E2F5: variants seen among roughly 807,000 people sequenced by gnomAD.
E2F5 encodes the protein E2F transcription factor 5.
E2F5 carries 23 observed loss-of-function variants against 39.1 expected under a neutral mutation model. The ratio of observed to expected loss-of-function variants is 0.59; its 90% CI spans 0.42 to 0.83. The LOEUF (loss-of-function observed/expected upper bound fraction) is 0.83, where lower values mean the gene tolerates loss of function less well. Among genes scored for constraint, E2F5 ranks in the 40% least tolerant of loss-of-function variants. The pLI is 0.00. For missense variants in E2F5, 365 were observed against 406.7 expected (o/e 0.90, Z 0.88); for synonymous variants, 145 against 157.8 (o/e 0.92, Z 0.61).
chr8:85,183,278 G>C (rs1812260857), intron 1 of E2F5, among the ~76,000 whole-genome samples: 1 of 152,104 alleles, frequency 6.6e-6, no homozygotes, highest in Non-Finnish European at 1.5e-5. Context: ...GACAACAAAA[G>C]ACCCTAGTTT....
At chr8:85,202,997 A>T (rs1252727007) in intron 2 of E2F5, 97 bp from the exon 3 acceptor site, 7 of 934,004 alleles carry the variant, frequency 7.5e-6, no homozygotes, top group African/African-American at 1.7e-5. Flanking sequence ...TTCTGTCTTG[A>T]ATATATTACT....
At chr8:85,192,508 C>T (rs1812486426) in intron 1 of E2F5, among the ~76,000 whole-genome samples, 1 of 152,072 alleles carries the variant, frequency 6.6e-6, no homozygotes, top group East Asian at 1.9e-4. Flanking sequence ...GAAAATAAGA[C>T]AAGAGAAAAG....
chr8:85,209,452 T>C, intron 6 of E2F5, 43 bp downstream of exon 6: 2 of 1,536,228 alleles, frequency 1.3e-6, no homozygotes, highest in Non-Finnish European at 1.8e-6. Flanking sequence ...GAGGGAGAAA[T>C]ATAAAAACAG....
chr8:85,202,993 C>A, intron 2 of E2F5, 101 bp from the exon 3 acceptor site: 3 of 905,050 alleles, frequency 3.3e-6, no homozygotes, highest in Non-Finnish European at 4.5e-6. Flanking sequence ...AGACTTCTGT[C>A]TTGAATATAT....
chr8:85,193,953 T>C (rs1006053805), intron 1 of E2F5, among the ~76,000 whole-genome samples: 5 of 152,200 alleles, frequency 3.3e-5, no homozygotes, highest in African/African-American at 1.2e-4. Flanking sequence ...TATAGACACA[T>C]TTTTATTGTT....
At chr8:85,179,826 ATT>A (rs567498501) in intron 1 of E2F5, among the ~76,000 whole-genome samples, 1 of 151,572 alleles carries the variant, frequency 6.6e-6, no homozygotes, top group African/African-American at 2.4e-5. Flanking sequence ...CACCCAGCTA[ATT>A]TTTTTGTAAT....
intron 7 of E2F5, 57 bp downstream of exon 7, chr8:85,212,261 T>A: frequency 8.1e-7 from 1 of 1,239,270 alleles, no homozygotes; most frequent in Non-Finnish European, 1.2e-6. Context: ...GTGGAATTTA[T>A]AAGTGAAACA....
chr8:85,201,854 A>T, intron 1 of E2F5: 1 of 362,024 alleles, frequency 2.8e-6, no homozygotes, highest in East Asian at 7.4e-5. Context: ...CCTCAGGATT[A>T]GTCCATAAGG....
At chr8:85,196,820 T>A (rs186352959) in intron 1 of E2F5, among the ~76,000 whole-genome samples, 45 of 152,232 alleles carry the variant, frequency 3.0e-4, no homozygotes, top group Admixed American at 2.2e-3. Flanking sequence ...AAGGTTCCTC[T>A]TAATTGTGGA....
chr8:85,187,055 C>G (rs993076104), intron 1 of E2F5, among the ~76,000 whole-genome samples: 1 of 150,946 alleles, frequency 6.6e-6, no homozygotes, highest in Non-Finnish European at 1.5e-5. Context: ...TTCAGTTTCC[C>G]TTTGTATTTT....
chr8:85,198,924 C>G (rs1812636401), intron 1 of E2F5, among the ~76,000 whole-genome samples: 1 of 152,204 alleles, frequency 6.6e-6, no homozygotes, highest in Non-Finnish European at 1.5e-5. Context: ...ATTTCCAGTG[C>G]TCCAAACTGG....
intron 3 of E2F5, 93 bp from the exon 4 acceptor site, chr8:85,206,084 G>T: frequency 8.3e-7 from 1 of 1,205,626 alleles, no homozygotes; most frequent in Non-Finnish European, 1.2e-6. Context: ...TGTGCATATG[G>T]TCATTTAGTT....
chr8:85,183,642 A>T (rs1486755435), intron 1 of E2F5, among the ~76,000 whole-genome samples: 1 of 152,256 alleles, frequency 6.6e-6, no homozygotes, highest in Non-Finnish European at 1.5e-5. Flanking sequence ...GAAATAAGCC[A>T]GTCACAAAAA....
chr8:85,183,209 G>A (rs1474143331), intron 1 of E2F5, among the ~76,000 whole-genome samples: 2 of 152,162 alleles, frequency 1.3e-5, no homozygotes, highest in Non-Finnish European at 2.9e-5. Flanking sequence ...CCACGATCAC[G>A]CCACTGCACT....
chr8:85,205,161 CG>C lies in E2F5; in HGVS notation c.507-1015del, dbSNP rs1272751512. 5.9e-4 allele frequency among the ~76,000 whole-genome samples: 90 copies of C among 152,168 alleles called. 2 individuals are homozygous for C. In the South Asian group the frequency reaches 0.017, roughly 29 times the overall value. On this transcript the variant is annotated intron_variant, in intron 3 of 7. Coordinates refer to ENST00000416274, the MANE Select transcript of E2F5 (RefSeq NM_001951.4). ...TCACACTACTGCACTTCAGCTTGGGCGATAGAGCAAACTCCGTCTCAAAATA... is the reference window on the plus strand; with the variant it reads ...TCACACTACTGCACTTCAGCTTGGGCATAGAGCAAACTCCGTCTCAAAATA...
chr8:85,178,054 T>C (rs1812124918), intron 1 of E2F5: 1 of 153,210 alleles, frequency 6.5e-6, no homozygotes, highest in Non-Finnish European at 1.5e-5. Flanking sequence ...TGGATATCGA[T>C]TTTGCTGTTA....
At chr8:85,179,081 G>C (rs544551792) in intron 1 of E2F5, among the ~76,000 whole-genome samples, 16 of 152,112 alleles carry the variant, frequency 1.1e-4, no homozygotes, top group Non-Finnish European at 1.9e-4. Context: ...TTTATGGCAT[G>C]TGTAGTATTT....
At chr8:85,193,588 C>T (rs1282421153) in intron 1 of E2F5, among the ~76,000 whole-genome samples, 1 of 152,196 alleles carries the variant, frequency 6.6e-6, no homozygotes, top group Non-Finnish European at 1.5e-5. Context: ...AGATGTGGAA[C>T]ATTCTCATCA....
At chr8:85,189,614 C>T (rs1461999765) in intron 1 of E2F5, among the ~76,000 whole-genome samples, 1 of 152,116 alleles carries the variant, frequency 6.6e-6, no homozygotes, top group African/African-American at 2.4e-5. Context: ...AGTGATCCAC[C>T]CGCCTCAGTC....
Sources: allele counts gnomAD v4.1 joint callset (sites outside exome capture counted in the v4.1 genomes callset), GRCh38; gene constraint gnomAD v4.1.1; transcripts MANE v1.5; gene names NCBI Gene and HGNC (gene_info 2026-07-23, HGNC 2026-07-21).